SNTG1: variants seen among roughly 807,000 people sequenced by gnomAD.
SNTG1 encodes gamma-1-syntrophin.
Under a neutral mutation model 74.7 loss-of-function variants are expected in SNTG1, and 39 were observed. The observed-to-expected ratio is 0.52, with a 90% CI of 0.40 to 0.68. The LOEUF is 0.68. SNTG1 is among the 30% of genes least tolerant of loss of function. SNTG1 has a pLI of 0.00. For synonymous variants in SNTG1, 254 were observed against 217.1 expected (o/e 1.17, Z -1.49); for missense variants, 685 against 609.5 (o/e 1.12, Z -1.30).
Position 50,656,909 on chromosome 8 carries a change from A to ATT in SNTG1, c.851_852dup (p.Val285LeufsTer27), listed in dbSNP as rs1563702483. The ATT allele has an allele frequency of 6.2e-7, 1 of 1,600,898 alleles. No homozygotes were observed. Among genetic ancestry groups the ATT allele is most frequent in the Non-Finnish European group, 8.5e-7 (1 of 1,172,258 alleles). ...TTGATTGTATTCCATTTTCTTGCAG[A>ATT]TTGTCTACATGGGCTGGTGTGAAGC... On this transcript the variant is annotated frameshift_variant and splice_region_variant, in exon 14 of 19. Coordinates refer to ENST00000642720, the MANE Select transcript of SNTG1 (RefSeq NM_018967.5). LOFTEE classifies it high-confidence loss of function.
chr8:50,742,838 A>C (rs916043182), intron 17 of SNTG1, among the ~76,000 whole-genome samples: 4 of 151,904 alleles, frequency 2.6e-5, no homozygotes, highest in African/African-American at 9.7e-5. Flanking sequence ...AAAAAAAGAG[A>C]AGAGACATTT....
chr8:50,414,461 G>A (rs1392402775), intron 4 of SNTG1, among the ~76,000 whole-genome samples: 2 of 151,990 alleles, frequency 1.3e-5, no homozygotes, highest in Non-Finnish European at 2.9e-5. Flanking sequence ...TTCTATGCAG[G>A]TGACGGTGCC....
At chr8:50,399,901 T>C (rs891511507) in intron 3 of SNTG1, among the ~76,000 whole-genome samples, 1 of 152,232 alleles carries the variant, frequency 6.6e-6, no homozygotes, top group Admixed American at 6.5e-5. Context: ...TGTGTGCTAA[T>C]GCCATGGATG....
chr8:50,337,554 C>T (rs1445130230), intron 2 of SNTG1, among the ~76,000 whole-genome samples: 2 of 152,180 alleles, frequency 1.3e-5, no homozygotes, highest in Admixed American at 6.5e-5. Flanking sequence ...AAGGTCTCCC[C>T]TCAAGAAAAA....
At chr8:50,656,777 A>AT (rs1264534416) in intron 13 of SNTG1, 132 bp from the exon 14 acceptor site, 1 of 613,128 alleles carries the variant, frequency 1.6e-6, no homozygotes, top group Non-Finnish European at 2.7e-6. Context: ...CAATTTGATA[A>AT]TTTTATGTGA....
Position 50,536,749 on chromosome 8 carries a change from A to G in SNTG1, c.621A>G (p.Arg207=), listed in dbSNP as rs1337799381. The G allele has an allele frequency of 1.9e-6, 3 of 1,613,958 alleles. No homozygotes were observed. The East Asian group carries it at 6.7e-5, about 36-fold the overall frequency. Residue 207 remains arginine (R), a synonymous_variant, in exon 11 of 19, where the codon AGA becomes AGG. Coordinates refer to ENST00000642720, the MANE Select transcript of SNTG1 (RefSeq NM_018967.5). ...LRWEKRWCDL[R]LIPLLHSRFS... is the part of the protein sequence containing the mutation. ...GGGAGAAGCGATGGTGCGACCTCAG[A>G]CTGATCCCTCTACTTCATTCGCGCT...
At chr8:50,269,810 C>T (rs1282770949) in intron 2 of SNTG1, among the ~76,000 whole-genome samples, 2 of 152,052 alleles carry the variant, frequency 1.3e-5, no homozygotes, top group African/African-American at 4.8e-5. Context: ...ATACAAATGA[C>T]TGTGGTACAG....
At chr8:50,361,859 G>C (rs982058809) in intron 2 of SNTG1, among the ~76,000 whole-genome samples, 1 of 152,130 alleles carries the variant, frequency 6.6e-6, no homozygotes, top group Non-Finnish European at 1.5e-5. Context: ...ACTATAGTAA[G>C]TATTTGTATC....
At position 50,596,817 on chromosome 8, in the gene SNTG1, G is replaced by A. The variant is rs369237005; in HGVS notation, c.849+5900G>A. 2.6e-5 allele frequency among the ~76,000 whole-genome samples: 4 copies of A among 152,004 alleles called. No homozygotes were observed. The South Asian group carries it at 6.2e-4, about 24-fold the overall frequency. ...ACATAATAATTGTACACATGTTTGGGGGACAGTGTAATATTTCAAATCATA... is the reference window on the plus strand; with the variant it reads ...ACATAATAATTGTACACATGTTTGGAGGACAGTGTAATATTTCAAATCATA... On this transcript the variant is annotated intron_variant, in intron 13 of 18. Coordinates refer to ENST00000642720, the MANE Select transcript of SNTG1 (RefSeq NM_018967.5).
At chr8:50,164,158 T>C (rs2082530508) in intron 1 of SNTG1, 1 of 147,874 alleles carries the variant, frequency 6.8e-6, no homozygotes, top group Non-Finnish European at 1.5e-5. Flanking sequence ...GCTTAAACTA[T>C]GGTCAGAAGT....
chr8:50,201,552 G>A (rs2083987437), intron 2 of SNTG1, among the ~76,000 whole-genome samples: 2 of 151,996 alleles, frequency 1.3e-5, no homozygotes, highest in South Asian at 4.1e-4. Context: ...TTCTAGCGCT[G>A]CGTGACACTC....
intron 18 of SNTG1, among the ~76,000 whole-genome samples, chr8:50,777,846 TC>T (rs2095645621): frequency 6.6e-6 from 1 of 152,056 alleles, no homozygotes; most frequent in Non-Finnish European, 1.5e-5. Flanking sequence ...AAGCTATCCC[TC>T]CCCTGTCCCC....
chr8:49,997,755 T>A (rs1001778616), intron 1 of SNTG1, among the ~76,000 whole-genome samples: 1 of 152,162 alleles, frequency 6.6e-6, no homozygotes, highest in Non-Finnish European at 1.5e-5. Context: ...TTATTGTTGT[T>A]TTTTTAGCAT....
chr8:50,174,109 TAG>T, intron 2 of SNTG1, among the ~76,000 whole-genome samples: 1 of 152,226 alleles, frequency 6.6e-6, no homozygotes, highest in Admixed American at 6.5e-5. Context: ...GTTCTTGTGT[TAG>T]AGTGTTGCGA....
intron 18 of SNTG1, among the ~76,000 whole-genome samples, chr8:50,791,111 A>G (rs1329262731): frequency 1.3e-5 from 2 of 152,054 alleles, no homozygotes; most frequent in East Asian, 3.9e-4. Context: ...GGGAAGATAG[A>G]GAAAGTATTT....
intron 2 of SNTG1, among the ~76,000 whole-genome samples, chr8:50,181,758 T>C (rs1427312669): frequency 6.6e-6 from 1 of 152,228 alleles, no homozygotes; most frequent in East Asian, 1.9e-4. Context: ...TAGTAACATG[T>C]ACAAAGTTAT....
intron 1 of SNTG1, among the ~76,000 whole-genome samples, chr8:50,020,504 A>C (rs1816726735): frequency 6.6e-6 from 1 of 152,190 alleles, no homozygotes; most frequent in African/African-American, 2.4e-5. Context: ...ATAAAGTTTC[A>C]ATTGCATTCT....
intron 2 of SNTG1, among the ~76,000 whole-genome samples, chr8:50,268,200 A>G (rs1305712581): frequency 6.6e-6 from 1 of 152,198 alleles, no homozygotes; most frequent in African/African-American, 2.4e-5. Flanking sequence ...ATTTAACAAA[A>G]CATGTATAAG....
intron 2 of SNTG1, among the ~76,000 whole-genome samples, chr8:50,268,489 A>T (rs1035541027): frequency 6.6e-6 from 1 of 152,136 alleles, no homozygotes; most frequent in Non-Finnish European, 1.5e-5. Context: ...CATGAACAAA[A>T]AAAGAGAATA....
Sources: allele counts gnomAD v4.1 joint callset (sites outside exome capture counted in the v4.1 genomes callset), GRCh38; gene constraint gnomAD v4.1.1; transcripts MANE v1.5; gene names NCBI Gene and HGNC (gene_info 2026-07-23, HGNC 2026-07-21).